The following CDH1 variants were observed in gnomAD, a reference collection of about 807,000 sequenced individuals.
The protein encoded by CDH1 is cadherin-1.
In CDH1, 35 loss-of-function variants were observed where a neutral mutation model predicts 84.5. That is an observed-to-expected ratio of 0.41 (90% CI 0.32 to 0.55). The LOEUF (loss-of-function observed/expected upper bound fraction) is 0.55, where lower values mean the gene tolerates loss of function less well. Among genes scored for constraint, CDH1 ranks in the 20% least tolerant of loss-of-function variants. The pLI, the probability that CDH1 is intolerant of heterozygous loss-of-function variation, is 0.19. For missense variants in CDH1, 994 were observed against 1,126.6 expected (o/e 0.88, Z 1.68); for synonymous variants, 417 against 439.0 (o/e 0.95, Z 0.63).
intron 2 of CDH1, among the ~76,000 whole-genome samples, chr16:68,749,696 C>T (rs1962838597): frequency 6.6e-6 from 1 of 152,240 alleles, no homozygotes; most frequent in African/African-American, 2.4e-5. Flanking sequence ...GGTTGCACTG[C>T]TTGCCACCAA....
chr16:68,811,721 C>T lies in CDH1; in HGVS notation c.870C>T (p.Asp290=), dbSNP rs755215407. ...SVMEVTATDA[D]DDVNTYNAAI... The stretch of plus-strand genomic sequence containing the variant: ...TGGAGGTCACAGCCACAGACGCGGA[C>T]GATGATGTGAACACCTACAATGCCG... The change falls in exon 7 of 16, where the codon GAC becomes GAT. Residue 290 remains aspartate, a synonymous_variant. Coordinates refer to ENST00000261769, the MANE Select transcript of CDH1 (RefSeq NM_004360.5). 11 of 1,613,940 alleles carry T rather than the reference C, an allele frequency of 6.8e-6. No homozygotes were observed. In the Admixed American group the frequency reaches 1.2e-4, roughly 17 times the overall value.
At chr16:68,804,072 T>C (rs1960584766) in intron 3 of CDH1, among the ~76,000 whole-genome samples, 1 of 143,654 alleles carries the variant, frequency 7.0e-6, no homozygotes. Flanking sequence ...AGGAGAAGCA[T>C]AAAAATTCAT....
At chr16:68,821,146 G>C (rs1219369599) in intron 11 of CDH1, among the ~76,000 whole-genome samples, 1 of 151,850 alleles carries the variant, frequency 6.6e-6, no homozygotes, top group Admixed American at 6.6e-5. Flanking sequence ...CATATGCTCC[G>C]TGTTGTGTCA....
intron 13 of CDH1, among the ~76,000 whole-genome samples, chr16:68,824,100 C>T (rs950038941): frequency 4.8e-5 from 7 of 147,306 alleles, no homozygotes; most frequent in East Asian, 2.0e-4. Context: ...CAGGTTCAAG[C>T]GATTCTCCCG....
chr16:68,815,114 C>A (rs1960947768), intron 9 of CDH1, among the ~76,000 whole-genome samples: 1 of 152,002 alleles, frequency 6.6e-6, no homozygotes, highest in South Asian at 2.1e-4. Flanking sequence ...GTAATCCCAG[C>A]TACTAGGGAG....
chr16:68,813,986 T>C (rs944428295), intron 9 of CDH1, among the ~76,000 whole-genome samples: 16 of 151,792 alleles, frequency 1.1e-4, no homozygotes, highest in African/African-American at 1.7e-4. Flanking sequence ...CCTGTAATCA[T>C]AGCACTTTGG....
intron 2 of CDH1, among the ~76,000 whole-genome samples, chr16:68,798,047 C>G (rs1002489703): frequency 6.6e-6 from 1 of 151,620 alleles, no homozygotes; most frequent in African/African-American, 2.4e-5. Context: ...CCATTGCACT[C>G]CAGCCTGGGT....
At chr16:68,813,188 G>A in intron 8 of CDH1, 125 bp from the exon 9 acceptor site, 1 of 979,708 alleles carries the variant, frequency 1.0e-6, no homozygotes, top group Admixed American at 1.9e-5. Context: ...ATACACTCCA[G>A]CCTGGTGACA....
At chr16:68,824,601 G>A (rs1961270094) in intron 13 of CDH1, among the ~76,000 whole-genome samples, 1 of 152,238 alleles carries the variant, frequency 6.6e-6, no homozygotes, top group Non-Finnish European at 1.5e-5. Context: ...TGGAGTAGGG[G>A]TGGAGTGTAG....
At chr16:68,759,868 C>T (rs1963118112) in intron 2 of CDH1, among the ~76,000 whole-genome samples, 1 of 152,002 alleles carries the variant, frequency 6.6e-6, no homozygotes, top group African/African-American at 2.4e-5. Flanking sequence ...TGTGTACCGC[C>T]CTGGCTGGCT....
At position 68,815,478 on chromosome 16, in the gene CDH1, T is replaced by C. The variant is rs1286985331; in HGVS notation, c.1321-37T>C. Reference sequence around the variant, plus strand: ...TTTATTTTTACTAACACAAAATGTTTCGTTTTGTTTTTAACTTCATTGTTT... The same window carrying C: ...TTTATTTTTACTAACACAAAATGTTCCGTTTTGTTTTTAACTTCATTGTTT... On this transcript the variant is annotated intron_variant, in intron 9 of 15. Transcript: ENST00000261769. 119 of 1,613,562 alleles carry C rather than the reference T, an allele frequency of 7.4e-5. No homozygotes were observed. Among genetic ancestry groups the C allele is most frequent in the Non-Finnish European group, 9.9e-5 (117 of 1,179,766 alleles).
chr16:68,806,122 A>ATATTTCTTTATT (rs568657223), intron 3 of CDH1, among the ~76,000 whole-genome samples: 20 of 144,532 alleles, frequency 1.4e-4, no homozygotes, highest in African/African-American at 4.9e-4. Flanking sequence ...TAATTTTTGT[A>ATATTTCTTTATT]TATTTATTTA....
intron 2 of CDH1, among the ~76,000 whole-genome samples, chr16:68,773,423 A>G (rs1433033518): frequency 6.7e-6 from 1 of 150,232 alleles, no homozygotes; most frequent in Non-Finnish European, 1.5e-5. Context: ...CAGCCTCCCC[A>G]GTAGCTGGGA....
intron 2 of CDH1, among the ~76,000 whole-genome samples, chr16:68,764,585 T>C (rs1959316151): frequency 6.6e-6 from 1 of 151,918 alleles, no homozygotes; most frequent in South Asian, 2.1e-4. Context: ...CAAAATAAAA[T>C]AAAATAACAT....
chr16:68,822,081 C>T lies in CDH1; in HGVS notation c.1792C>T (p.Arg598Ter), dbSNP rs121964877. ...VNDNAPIPEP[R>*]TIFFCERNPK... ...TGACAACGCCCCCATACCAGAACCT[C>T]GAACTATATTCTTCTGTGAGAGGAA... Residue 598 changes from arginine (R) to a stop codon, truncating the protein, a stop_gained, in exon 12 of 16, where the codon CGA becomes TGA. Transcript: ENST00000261769. LOFTEE classifies it high-confidence loss of function. 2 of 1,614,142 alleles carry T rather than the reference C, an allele frequency of 1.2e-6. No homozygotes were observed. The highest frequency in any genetic ancestry group is 1.7e-6 in the Non-Finnish European group (2 of 1,180,026).
chr16:68,750,290 G>A (rs1250811996), intron 2 of CDH1, among the ~76,000 whole-genome samples: 1 of 151,852 alleles, frequency 6.6e-6, no homozygotes, highest in Admixed American at 6.6e-5. Flanking sequence ...AACTCTCTGG[G>A]TCCCAGAAAA....
chr16:68,746,556 G>C (rs1429769724), intron 2 of CDH1, among the ~76,000 whole-genome samples: 1 of 152,218 alleles, frequency 6.6e-6, no homozygotes, highest in Non-Finnish European at 1.5e-5. Flanking sequence ...TGGTTGTCCA[G>C]CCCAAGGCCA....
chr16:68,760,536 C>G (rs935325150), intron 2 of CDH1, among the ~76,000 whole-genome samples: 1 of 152,152 alleles, frequency 6.6e-6, no homozygotes, highest in Non-Finnish European at 1.5e-5. Flanking sequence ...TCCTTTATAA[C>G]AGGCCTTGGA....
At chr16:68,761,531 C>T (rs764730110) in intron 2 of CDH1, among the ~76,000 whole-genome samples, 20 of 152,192 alleles carry the variant, frequency 1.3e-4, no homozygotes, top group Non-Finnish European at 2.2e-4. Flanking sequence ...TGTCCCCCAT[C>T]ATGGAATTTG....
Sources: gnomAD v4.1 joint callset for allele counts (sites outside exome capture counted in the v4.1 genomes callset) on GRCh38, gnomAD v4.1.1 for gene constraint, MANE v1.5 for transcripts, NCBI Gene and HGNC (gene_info 2026-07-23, HGNC 2026-07-21) for gene names.